PITPNC1: variants seen among roughly 807,000 people sequenced by gnomAD.
PITPNC1 encodes cytoplasmic phosphatidylinositol transfer protein 1.
In PITPNC1, 18 loss-of-function variants were observed where a neutral mutation model predicts 44.7. That is an observed-to-expected ratio of 0.40 (90% confidence interval 0.28 to 0.60). The LOEUF (loss-of-function observed/expected upper bound fraction) is 0.60. PITPNC1 is among the 20% of genes least tolerant of loss of function. The probability of loss-of-function intolerance (pLI) is 0.39; values close to 1 mark genes in which losing one functional copy is unlikely to be tolerated. For synonymous variants in PITPNC1, 141 were observed against 149.6 expected (o/e 0.94, Z 0.42); for missense variants, 290 against 418.4 (o/e 0.69, Z 2.68).
chr17:67,574,968 AT>A lies in PITPNC1; in HGVS notation c.295-3215del, dbSNP rs534965373. Among the ~76,000 whole-genome samples, 505 of 152,180 alleles carry A rather than the reference AT, an allele frequency of 3.3e-3. 6 individuals carry two copies. The highest frequency in any genetic ancestry group is 0.011 in the African/African-American group (474 of 41,506). ...CACTCAAAAATAACAACATCTGCTA[AT>A]TTGCATGGGAGTTTTGCATTTCATA... On this transcript the variant is annotated intron_variant, in intron 4 of 8. Coordinates refer to ENST00000581322, the MANE Select transcript of PITPNC1 (RefSeq NM_012417.4).
intron 2 of PITPNC1, among the ~76,000 whole-genome samples, chr17:67,551,662 G>A (rs2040765282): frequency 6.6e-6 from 1 of 152,146 alleles, no homozygotes; most frequent in Non-Finnish European, 1.5e-5. Flanking sequence ...TTACATCTGC[G>A]AAGAGCCTAT....
chr17:67,531,495 G>A (rs1598787264), intron 1 of PITPNC1, among the ~76,000 whole-genome samples: 1 of 152,158 alleles, frequency 6.6e-6, no homozygotes, highest in South Asian at 2.1e-4. Context: ...CGGTCCCCAG[G>A]GCTGGCTGCA....
chr17:67,393,987 C>T (rs533812536), intron 1 of PITPNC1, among the ~76,000 whole-genome samples: 1 of 152,018 alleles, frequency 6.6e-6, no homozygotes, highest in African/African-American at 2.4e-5. Context: ...GAACAGGCAC[C>T]CGCCACCACA....
chr17:67,632,281 A>T, intron 6 of PITPNC1, 43 bp downstream of exon 6: 1 of 1,227,646 alleles, frequency 8.1e-7, no homozygotes, highest in Non-Finnish European at 1.2e-6. Flanking sequence ...TCATTCATTC[A>T]TTCATTCCAC....
intron 4 of PITPNC1, among the ~76,000 whole-genome samples, chr17:67,562,059 C>G (rs1391282436): frequency 6.6e-6 from 1 of 152,216 alleles, no homozygotes; most frequent in Non-Finnish European, 1.5e-5. Context: ...GCCTGAATTT[C>G]GTTTCCCTGC....
chr17:67,654,224 C>A (rs1484074554), intron 6 of PITPNC1, among the ~76,000 whole-genome samples: 3 of 152,150 alleles, frequency 2.0e-5, no homozygotes, highest in Non-Finnish European at 2.9e-5. Flanking sequence ...AGAACAAGAA[C>A]CCTTCTCTCG....
chr17:67,659,895 T>A (rs1428832842), intron 6 of PITPNC1, among the ~76,000 whole-genome samples: 2 of 152,186 alleles, frequency 1.3e-5, no homozygotes, highest in South Asian at 4.1e-4. Flanking sequence ...TTTGTTTTTT[T>A]TAGAGACAGA....
In PITPNC1 at chr17:67,622,775, C is replaced by A. The variant is rs573403573; in HGVS notation, c.367-9368C>A. On this transcript the variant is annotated intron_variant, in intron 5 of 8. Coordinates refer to ENST00000581322, the MANE Select transcript of PITPNC1 (RefSeq NM_012417.4). ...CCTGTAGTCCCAGCTACTTGGGAGG[C>A]TCAGGCAGGAGAATCACTTGAACCC... Among the ~76,000 whole-genome samples, 269 of 151,962 alleles carry A rather than the reference C, an allele frequency of 1.8e-3. 1 individual carries two copies. Among genetic ancestry groups the A allele is most frequent in the African/African-American group, 6.1e-3 (252 of 41,432 alleles).
intron 1 of PITPNC1, among the ~76,000 whole-genome samples, chr17:67,507,090 TCAA>T (rs2040114143): frequency 6.6e-6 from 1 of 152,218 alleles, no homozygotes; most frequent in Admixed American, 6.5e-5. Context: ...TCATCCCACT[TCAA>T]CGAGTCACTG....
At chr17:67,425,203 G>GCGCACACACA (rs1370190915) in intron 1 of PITPNC1, among the ~76,000 whole-genome samples, 16 of 98,822 alleles carry the variant, frequency 1.6e-4, no homozygotes, top group East Asian at 3.6e-4. Context: ...GCACGCACAC[G>GCGCACACACA]CACACACACA....
chr17:67,645,008 AGAGCTT>A (rs2042131316), intron 6 of PITPNC1, among the ~76,000 whole-genome samples: 1 of 152,168 alleles, frequency 6.6e-6, no homozygotes, highest in Admixed American at 6.5e-5. Flanking sequence ...GCCTCAGAGC[AGAGCTT>A]CCCATCTTTT....
chr17:67,494,316 C>G (rs2039912622), intron 1 of PITPNC1, among the ~76,000 whole-genome samples: 1 of 151,818 alleles, frequency 6.6e-6, no homozygotes, highest in African/African-American at 2.4e-5. Flanking sequence ...TTCTCTGCCT[C>G]AGCCTCCCGA....
At chr17:67,528,248 G>T (rs919093983) in intron 1 of PITPNC1, among the ~76,000 whole-genome samples, 4 of 152,092 alleles carry the variant, frequency 2.6e-5, no homozygotes, top group Non-Finnish European at 5.9e-5. Flanking sequence ...TGCCATGTTG[G>T]CCAGGCTGGT....
At chr17:67,415,094 G>T (rs116072807) in intron 1 of PITPNC1, among the ~76,000 whole-genome samples, 2 of 151,962 alleles carry the variant, frequency 1.3e-5, no homozygotes, top group Non-Finnish European at 2.9e-5. Flanking sequence ...TCACCAGGCT[G>T]GTCTCGAACT....
At chr17:67,468,397 T>G (rs2143992935) in intron 1 of PITPNC1, among the ~76,000 whole-genome samples, 1 of 132,082 alleles carries the variant, frequency 7.6e-6, no homozygotes, top group East Asian at 2.4e-4. Flanking sequence ...GTGGCTTTCT[T>G]TCCTTTTTTT....
intron 4 of PITPNC1, among the ~76,000 whole-genome samples, chr17:67,554,019 G>A (rs930359608): frequency 6.6e-6 from 1 of 152,196 alleles, no homozygotes; most frequent in Non-Finnish European, 1.5e-5. Flanking sequence ...TGTTGGAGAA[G>A]CTTGAAAGTG....
At position 67,676,838 on chromosome 17, in the gene PITPNC1, T is replaced by C. The variant is rs2042612207; in HGVS notation, c.682+1296T>C. The stretch of plus-strand genomic sequence containing the variant: ...GGCTTTTCTTTTTTTTTTCTTTTTT[T>C]CTTACCTCCTTTTGCAGTTTTCCCA... On this transcript the variant is annotated intron_variant, in intron 8 of 8. Transcript: ENST00000581322. This position sits in a 1 kb window ranked among gnomAD's most constrained non-coding sequence, Gnocchi z 4.0. Among the ~76,000 whole-genome samples, 2 of 152,134 alleles carry C rather than the reference T, an allele frequency of 1.3e-5. No individual in the cohort carries two copies. The highest frequency in any genetic ancestry group is 2.4e-5 in the African/African-American group (1 of 41,422).
At chr17:67,573,336 G>T (rs2041088855) in intron 4 of PITPNC1, among the ~76,000 whole-genome samples, 1 of 152,150 alleles carries the variant, frequency 6.6e-6, no homozygotes, top group African/African-American at 2.4e-5. Context: ...AAGAAAAGAG[G>T]CTGTAGGTAG....
At chr17:67,435,709 A>C (rs548588835) in intron 1 of PITPNC1, among the ~76,000 whole-genome samples, 5 of 152,168 alleles carry the variant, frequency 3.3e-5, no homozygotes, top group African/African-American at 1.2e-4. Context: ...AAAATTAGGC[A>C]GGTGTGGTGG....
Sources: allele counts gnomAD v4.1 joint callset (sites outside exome capture counted in the v4.1 genomes callset), GRCh38; gene constraint gnomAD v4.1.1; non-coding constraint Gnocchi (gnomAD v3.1); transcripts MANE v1.5; gene names NCBI Gene and HGNC (gene_info 2026-07-23, HGNC 2026-07-21).